VPS11: variants seen among roughly 807,000 people sequenced by gnomAD.
The protein encoded by VPS11 is vacuolar protein sorting-associated protein 11 homolog.
Under a neutral mutation model 106.8 loss-of-function variants are expected in VPS11, and 51 were observed. The observed-to-expected ratio is 0.48, with a 90% CI of 0.38 to 0.60. VPS11 has a LOEUF of 0.60. VPS11 is among the 20% of genes least tolerant of loss of function. The pLI is 0.00. For missense variants in VPS11, 950 were observed against 1,190.0 expected (o/e 0.80, Z 2.97); for synonymous variants, 453 against 458.7 (o/e 0.99, Z 0.16).
Position 119,078,843 on chromosome 11 carries a change from G to A in VPS11, c.2112G>A (p.Gln704=). Residue 704 remains glutamine, a synonymous_variant, in exon 13 of 16, where the codon CAG becomes CAA. Transcript: ENST00000621676. ...ACATGCAGCACGAGCAGTACCGGCA[G>A]GTCATCAGCGTGTGTGAGCGCCATG... The part of the protein sequence containing the change: ...HYHMQHEQYR[Q]VISVCERHGE... 1 of 1,613,816 alleles carries A rather than the reference G, an allele frequency of 6.2e-7. No individual in the cohort carries two copies. The highest frequency in any genetic ancestry group is 2.2e-5 in the East Asian group (1 of 44,902).
intron 7 of VPS11, among the ~76,000 whole-genome samples, chr11:119,074,573 T>G (rs1945528545): frequency 6.6e-6 from 1 of 152,076 alleles, no homozygotes; most frequent in South Asian, 2.1e-4. Flanking sequence ...CTGGCTAATT[T>G]TTTGTATTTT....
At position 119,081,142 on chromosome 11, in the gene VPS11, A is replaced by C. The variant is rs1242472776; in HGVS notation, c.2489A>C (p.Glu830Ala). 9 of 1,613,916 alleles carry C rather than the reference A, an allele frequency of 5.6e-6. No individual in the cohort carries two copies. Among genetic ancestry groups the C allele is most frequent in the African/African-American group, 1.3e-5 (1 of 74,940 alleles). Residue 830 changes from glutamate (E) to alanine (A), a missense_variant, in exon 15 of 16, where the codon GAG (glutamate) becomes GCG (alanine). Around this residue, in one of 3 missense-constraint regions of VPS11, gnomAD observed 453 missense variants for 514.6 expected, o/e 0.88. Transcript: ENST00000621676. ...TGCAGCATCTGTAACAGTGCCTTGG[A>C]GTTGCCCTCAGTCCACTTCCTGTGT... ...TKCSICNSAL[E>A]LPSVHFLCGH...
intron 6 of VPS11, 190 bp from the exon 7 acceptor site, chr11:119,073,610 C>G (rs781996273): frequency 2.8e-5 from 25 of 888,578 alleles, no homozygotes; most frequent in Non-Finnish European, 4.0e-5. Flanking sequence ...TAAGGGTTCA[C>G]TTTGTTTCCA....
intron 14 of VPS11, among the ~76,000 whole-genome samples, chr11:119,080,090 ACT>A (rs1181157672): frequency 6.6e-6 from 1 of 151,856 alleles, no homozygotes; most frequent in East Asian, 1.9e-4. Flanking sequence ...ATAGAGTCTC[ACT>A]CTGTCACCCA....
Position 119,081,709 on chromosome 11 carries a change from G to T in VPS11, c.*86G>T. 2 of 1,512,880 alleles carry T rather than the reference G, an allele frequency of 1.3e-6. No individual in the cohort carries two copies. Among genetic ancestry groups the T allele is most frequent in the Non-Finnish European group, 1.8e-6 (2 of 1,121,548 alleles). The allele number at this position is 1,512,880 out of a possible 1,614,324, so 93.7% of individuals were successfully genotyped here. Reference sequence around the variant, plus strand: ...TGGGCGGGCGTTACACAGAAGGCTGGCTGACATGCCCAGGGCTCCACTCTC... The same window carrying T: ...TGGGCGGGCGTTACACAGAAGGCTGTCTGACATGCCCAGGGCTCCACTCTC... On this transcript the variant is annotated 3_prime_UTR_variant, in exon 16 of 16. Transcript: ENST00000621676.
intron 1 of VPS11, 159 bp downstream of exon 1, chr11:119,068,169 A>C: frequency 1.2e-6 from 1 of 825,644 alleles, no homozygotes; most frequent in South Asian, 2.1e-5. Flanking sequence ...AAGGAAGTCC[A>C]TCTCCTAACT....
Position 119,081,442 on chromosome 11 carries a change from C to T in VPS11, c.2662-17C>T, listed in dbSNP as rs1288244295. 13 of 1,613,832 alleles carry T rather than the reference C, an allele frequency of 8.1e-6. No individual in the cohort carries two copies. The highest frequency in any genetic ancestry group is 1.0e-5 in the Non-Finnish European group (12 of 1,179,874). On this transcript the variant is annotated splice_polypyrimidine_tract_variant and intron_variant, in intron 15 of 15. Coordinates refer to ENST00000621676, the MANE Select transcript of VPS11 (RefSeq NM_021729.6). ...TTTGATTCTGATTCGTATTCCTTCC[C>T]TCCTCTTCTCCTGCAGCTCAAGTGC...
At chr11:119,071,931 G>C in intron 5 of VPS11, 88 bp downstream of exon 5, 1 of 1,508,182 alleles carries the variant, frequency 6.6e-7, no homozygotes, top group Non-Finnish European at 9.0e-7. Context: ...CCTGGATACT[G>C]CCAATCTCCT....
chr11:119,072,062 TTCCAGTGATAC>T, intron 5 of VPS11: 1 of 490,852 alleles, frequency 2.0e-6, no homozygotes, highest in Non-Finnish European at 3.6e-6. Context: ...GCCTCCTGGG[TTCCAGTGATAC>T]TCCTGCCTCA....
rs782215920 is a variant in VPS11 at position 119,073,876 on chromosome 11, C to T, written c.1163C>T (p.Ala388Val). The stretch of plus-strand genomic sequence containing the variant: ...CAGCATCTGGACAGTGATGGGCTGG[C>T]CCAGATTTTCATGCAGTATGGAGAC... ...KSQHLDSDGLAQIFMQYGDHL... is the reference protein window; with the variant it reads ...KSQHLDSDGLVQIFMQYGDHL... Residue 388 changes from alanine (A) to valine (V), a missense_variant, in exon 7 of 16, where the codon GCC becomes GTC. This residue lies in a region of VPS11 where 435 missense variants were observed against 630.2 expected (regional missense o/e 0.69). Transcript: ENST00000621676. 1 of 1,613,854 alleles carries T rather than the reference C, an allele frequency of 6.2e-7. No homozygotes were observed. The highest frequency in any genetic ancestry group is 8.5e-7 in the Non-Finnish European group (1 of 1,179,852).
Position 119,078,895 on chromosome 11 carries a change from C to G in VPS11, c.2164C>G (p.Gln722Glu), listed in dbSNP as rs1945741689. Residue 722 changes from glutamine (Q) to glutamate (E), a missense_variant, in exon 13 of 16, where the codon CAG (glutamine) becomes GAG (glutamate). By Grantham distance (29) the Gln-to-Glu change is conservative (BLOSUM62 2). Transcript: ENST00000621676. ...GGAGCAGGACCCCTCCTTGTGGGAG[C>G]AGGCCCTCAGCTACTTCGCTCGCAA... ...HGEQDPSLWE[Q>E]ALSYFARKEE... 2 of 1,614,024 alleles carry G rather than the reference C, an allele frequency of 1.2e-6. No individual in the cohort carries two copies. The highest frequency in any genetic ancestry group is 1.7e-6 in the Non-Finnish European group (2 of 1,179,904).
intron 5 of VPS11, chr11:119,072,584 G>C (rs1292155687): frequency 6.5e-6 from 1 of 153,388 alleles, no homozygotes; most frequent in Non-Finnish European, 1.4e-5. Context: ...TAGAGACGGG[G>C]TTTCACCGTG....
chr11:119,069,341 C>T lies in VPS11; in HGVS notation c.333C>T (p.Pro111=), dbSNP rs1425778087. ...SVGEDEEGIN[P]LVKIWNLEKR... ...GAGAAGATGAAGAGGGCATCAACCC[C>T]TTGGTGAGTCCCAGCAGGGAAATGG... The change falls in exon 2 of 16, where the codon CCC becomes CCT. Residue 111 remains proline (P), a synonymous_variant. Coordinates refer to ENST00000621676, the MANE Select transcript of VPS11 (RefSeq NM_021729.6). 1.9e-6 allele frequency: 3 copies of T among 1,613,956 alleles called. No individual in the cohort carries two copies. Among genetic ancestry groups the T allele is most frequent in the Admixed American group, 1.7e-5 (1 of 60,002 alleles).
chr11:119,081,819 T>C lies in VPS11; in HGVS notation c.*196T>C. 1.4e-6 allele frequency: 1 copy of C among 713,600 alleles called. No homozygotes were observed. Among genetic ancestry groups the C allele is most frequent in the Non-Finnish European group, 2.3e-6 (1 of 441,608 alleles). 44.2% of individuals were successfully genotyped at this position (713,600 alleles called of 1,614,324 possible). A position where few individuals can be genotyped will look rare whatever the true frequency, so the allele number is the denominator to read the frequency against. On this transcript the variant is annotated 3_prime_UTR_variant, in exon 16 of 16. Transcript: ENST00000621676. Reference sequence around the variant, plus strand: ...TCAGCTTGCCATCCCTCCTCTTCACTAGCAGTGTAGATCATTCCAGATCAG... The same window carrying C: ...TCAGCTTGCCATCCCTCCTCTTCACCAGCAGTGTAGATCATTCCAGATCAG...
intron 9 of VPS11, 82 bp downstream of exon 9, chr11:119,077,729 G>A: frequency 1.3e-6 from 2 of 1,541,104 alleles, no homozygotes; most frequent in Non-Finnish European, 1.8e-6. Context: ...GGGCTCAGGT[G>A]ATCCTCCCAC....
chr11:119,077,932 A>G lies in VPS11; in HGVS notation c.1627A>G (p.Ser543Gly). 6.2e-7 allele frequency: 1 copy of G among 1,614,052 alleles called. No homozygotes were observed. Among genetic ancestry groups the G allele is most frequent in the Non-Finnish European group, 8.5e-7 (1 of 1,179,896 alleles). Residue 543 changes from serine (S) to glycine (G), a missense_variant, in exon 10 of 16, where the codon AGC (serine) becomes GGC (glycine). Transcript: ENST00000621676. ...CAAGCTGCCTTTTGAGCAGGCAGAG[A>G]GCAACATGAAGCGCTACGGCAAGAT... ...IGKLPFEQAE[S>G]NMKRYGKILM...
chr11:119,074,166 A>C (rs781909557), intron 7 of VPS11, among the ~76,000 whole-genome samples: 12 of 152,058 alleles, frequency 7.9e-5, no homozygotes, highest in Non-Finnish European at 1.8e-4. Context: ...ACTTACTGCA[A>C]CCTTCCCTCC....
chr11:119,073,005 C>T (rs1164556903), intron 5 of VPS11, 193 bp from the exon 6 acceptor site: 4 of 613,372 alleles, frequency 6.5e-6, no homozygotes, highest in East Asian at 5.6e-5. Flanking sequence ...ATTGTAGGAT[C>T]CTAAAGGGTA....
chr11:119,078,177 A>G lies in VPS11; in HGVS notation c.1766A>G (p.Asn589Ser), dbSNP rs1350190968. ...SDREAPGCRA[N>S]SEEFIPIFAN... ...TTTCCTCTCTTGCCATCCTAGGCCA[A>G]CTCTGAGGAGTTCATCCCCATCTTT... is the stretch of plus-strand genomic sequence containing the variant. The change falls in exon 11 of 16, where the codon AAC (asparagine) becomes AGC (serine). Residue 589 changes from asparagine to serine, a missense_variant. Transcript: ENST00000621676. The G allele has an allele frequency of 1.9e-6, 3 of 1,613,066 alleles. No individual in the cohort carries two copies. Among genetic ancestry groups the G allele is most frequent in the Non-Finnish European group, 2.5e-6 (3 of 1,179,854 alleles).
Sources: gnomAD v4.1 joint callset for allele counts (sites outside exome capture counted in the v4.1 genomes callset) on GRCh38, gnomAD v4.1.1 for gene constraint, gnomAD v4.1.1 regional missense constraint, MANE v1.5 for transcripts, NCBI Gene and HGNC (gene_info 2026-07-23, HGNC 2026-07-21) for gene names.